Variants in MAP2K6 observed in about 807,000 individuals in gnomAD.
MAP2K6 encodes mitogen-activated protein kinase kinase 6, also known as dual specificity mitogen-activated protein kinase kinase 6.
MAP2K6 carries 16 observed loss-of-function variants against 53.7 expected under a neutral mutation model. The observed-to-expected ratio is 0.30, with a 90% CI of 0.20 to 0.45. MAP2K6 has a LOEUF of 0.45. Among genes scored for constraint, MAP2K6 ranks in the 20% least tolerant of loss-of-function variants. The pLI is 1.00. For synonymous variants in MAP2K6, 132 were observed against 143.1 expected (o/e 0.92, Z 0.55); for missense variants, 204 against 411.9 (o/e 0.50, Z 4.37).
chr17:69,475,224 G>A (rs1028303181), intron 1 of MAP2K6, among the ~76,000 whole-genome samples: 2 of 146,954 alleles, frequency 1.4e-5, no homozygotes, highest in East Asian at 2.0e-4. Context: ...GTTGGAGTGC[G>A]GTGGCGCGAT....
At chr17:69,540,919 G>A (rs1187524147) in intron 11 of MAP2K6, among the ~76,000 whole-genome samples, 1 of 152,160 alleles carries the variant, frequency 6.6e-6, no homozygotes, top group Non-Finnish European at 1.5e-5. Context: ...CACGTTTACT[G>A]TTCAACAAAA....
In MAP2K6 at chr17:69,553,669, C is replaced by T. The variant is rs963886124; in HGVS notation, c.*11916C>T. ...TCAATCTACAAACTGACTCAAACAA[C>T]AGTTTAACGATAGAGAAGACAGTGA... is the stretch of plus-strand genomic sequence containing the variant. On this transcript the variant is annotated 3_prime_UTR_variant, in exon 12 of 12. Transcript: ENST00000590474. 6 of 152,182 alleles carry T rather than the reference C, an allele frequency of 3.9e-5. No individual in the cohort carries two copies. The highest frequency in any genetic ancestry group is 7.3e-5 in the Non-Finnish European group (5 of 68,042). 9.4% of individuals were successfully genotyped at this position (152,182 alleles called of 1,614,324 possible). A position where few individuals can be genotyped will look rare whatever the true frequency, so the allele number is the denominator to read the frequency against.
chr17:69,456,104 G>T (rs924549045), intron 1 of MAP2K6, among the ~76,000 whole-genome samples: 2 of 152,008 alleles, frequency 1.3e-5, no homozygotes, highest in African/African-American at 4.8e-5. Context: ...CAGTAGATCC[G>T]CCCGCATCGG....
rs1236606761 is a variant in MAP2K6 at position 69,547,657 on chromosome 17, T to G, written c.*5904T>G. Reference sequence around the variant, plus strand: ...AAAGGATGAGGACTGTTTAGTCCCATGAAAGTTGCTTGTTAATGTCCTCAG... The same window carrying G: ...AAAGGATGAGGACTGTTTAGTCCCAGGAAAGTTGCTTGTTAATGTCCTCAG... On this transcript the variant is annotated 3_prime_UTR_variant, in exon 12 of 12. Transcript: ENST00000590474. The G allele has an allele frequency of 6.6e-6, 1 of 152,380 alleles. No homozygotes were observed. Among genetic ancestry groups the G allele is most frequent in the East Asian group, 1.9e-4 (1 of 5,190 alleles). 9.4% of individuals were successfully genotyped at this position (152,380 alleles called of 1,614,324 possible).
intron 1 of MAP2K6, among the ~76,000 whole-genome samples, chr17:69,487,735 T>C (rs1908600462): frequency 6.6e-6 from 1 of 152,232 alleles, no homozygotes; most frequent in Non-Finnish European, 1.5e-5. Flanking sequence ...CATATAACTT[T>C]GTTGGAGACT....
At position 69,454,828 on chromosome 17, in the gene MAP2K6, T is replaced by C. The variant is rs531504739; in HGVS notation, c.16+39828T>C. On this transcript the variant is annotated intron_variant, in intron 1 of 11. Transcript: ENST00000590474. Reference sequence around the variant, plus strand: ...ATATGTGGAAATTCATTTGAAGATATAGATATGGGTATAATAATATTTTGC... The same window carrying C: ...ATATGTGGAAATTCATTTGAAGATACAGATATGGGTATAATAATATTTTGC... Among the ~76,000 whole-genome samples, 92 of 152,324 alleles carry C rather than the reference T, an allele frequency of 6.0e-4. 3 individuals are homozygous for C. The South Asian group carries it at 0.018, about 29-fold the overall frequency.
At chr17:69,529,404 T>C (rs1183914320) in intron 10 of MAP2K6, among the ~76,000 whole-genome samples, 1 of 152,194 alleles carries the variant, frequency 6.6e-6, no homozygotes, top group Non-Finnish European at 1.5e-5. Flanking sequence ...CTTTCACCAG[T>C]GTATTTTTTC....
rs1016673369 is a variant in MAP2K6 at position 69,545,635 on chromosome 17, A to G, written c.*3882A>G. 6.6e-6 allele frequency: 1 copy of G among 152,166 alleles called. No individual in the cohort carries two copies. The highest frequency in any genetic ancestry group is 1.5e-5 in the Non-Finnish European group (1 of 68,040). 9.4% of individuals were successfully genotyped at this position (152,166 alleles called of 1,614,324 possible). A position where few individuals can be genotyped will look rare whatever the true frequency, so the allele number is the denominator to read the frequency against. ...GTGCCCCAGGTCAAAATATATACTT[A>G]ATAGTTCAGTGTTTTAAGTAATTAG... On this transcript the variant is annotated 3_prime_UTR_variant, in exon 12 of 12. Coordinates refer to ENST00000590474, the MANE Select transcript of MAP2K6 (RefSeq NM_002758.4).
chr17:69,473,413 T>C (rs1908044505), intron 1 of MAP2K6, among the ~76,000 whole-genome samples: 1 of 152,226 alleles, frequency 6.6e-6, no homozygotes, highest in Non-Finnish European at 1.5e-5. Context: ...CATATATAGT[T>C]ATAGGTTTGT....
At chr17:69,506,416 T>A (rs957337475) in intron 2 of MAP2K6, among the ~76,000 whole-genome samples, 1 of 152,038 alleles carries the variant, frequency 6.6e-6, no homozygotes, top group African/African-American at 2.4e-5. Context: ...TTGTTTTTTT[T>A]TTTTTTATTT....
intron 2 of MAP2K6, 104 bp from the exon 3 acceptor site, chr17:69,516,751 C>A: frequency 3.7e-6 from 3 of 809,264 alleles, no homozygotes; most frequent in Non-Finnish European, 4.1e-6. Flanking sequence ...CATGAACTTC[C>A]ACTTTCTTCT....
intron 1 of MAP2K6, among the ~76,000 whole-genome samples, chr17:69,492,883 C>T (rs1208940151): frequency 6.6e-6 from 1 of 152,192 alleles, no homozygotes; most frequent in East Asian, 1.9e-4. Context: ...TGGGAACCAT[C>T]CTCAGCCTAG....
intron 1 of MAP2K6, chr17:69,435,300 T>C (rs1041421564): frequency 2.0e-5 from 3 of 151,764 alleles, no homozygotes; most frequent in Admixed American, 2.0e-4. Context: ...ACTTTGGGAG[T>C]CTGAGGCAGG....
chr17:69,421,025 C>T (rs1364529698), intron 1 of MAP2K6, among the ~76,000 whole-genome samples: 1 of 152,172 alleles, frequency 6.6e-6, no homozygotes, highest in South Asian at 2.1e-4. Context: ...TGTTTGAAAG[C>T]CCTTGCTGGG....
Position 69,551,045 on chromosome 17 carries a change from T to C in MAP2K6, c.*9292T>C, listed in dbSNP as rs1555612913. On this transcript the variant is annotated 3_prime_UTR_variant, in exon 12 of 12. Coordinates refer to ENST00000590474, the MANE Select transcript of MAP2K6 (RefSeq NM_002758.4). ...ATTGTTGTATGACAGCCATGCATTA[T>C]AGATCCTTACATGCGACATTTTCCT... 6.6e-6 allele frequency: 1 copy of C among 152,204 alleles called. No homozygotes were observed. Among genetic ancestry groups the C allele is most frequent in the Non-Finnish European group, 1.5e-5 (1 of 68,032 alleles). 9.4% of individuals were successfully genotyped at this position (152,204 alleles called of 1,614,324 possible).
chr17:69,457,133 G>C (rs1425100320), intron 1 of MAP2K6, among the ~76,000 whole-genome samples: 2 of 152,176 alleles, frequency 1.3e-5, no homozygotes, highest in African/African-American at 4.8e-5. Context: ...ACCCCAGAGA[G>C]ACTTCAGCAT....
chr17:69,457,964 A>G (rs1907474876), intron 1 of MAP2K6, among the ~76,000 whole-genome samples: 1 of 152,192 alleles, frequency 6.6e-6, no homozygotes, highest in Non-Finnish European at 1.5e-5. Flanking sequence ...ATGGCCCATT[A>G]CTACCTATAA....
intron 10 of MAP2K6, among the ~76,000 whole-genome samples, chr17:69,531,309 GT>G (rs1427937746): frequency 6.6e-6 from 1 of 152,124 alleles, no homozygotes; most frequent in Non-Finnish European, 1.5e-5. Flanking sequence ...TTGTGAACTT[GT>G]GTATCCTACC....
Position 69,446,118 on chromosome 17 carries a change from C to A in MAP2K6, c.16+31118C>A, listed in dbSNP as rs1433157413. ...TTGGGTATGCAGCATGTTGTTTTAC[C>A]AGCTGCTACCTTAGCGTTATATTTA... On this transcript the variant is annotated intron_variant, in intron 1 of 11. Coordinates refer to ENST00000590474, the MANE Select transcript of MAP2K6 (RefSeq NM_002758.4). 2.0e-5 allele frequency among the ~76,000 whole-genome samples: 3 copies of A among 152,160 alleles called. No homozygotes were observed. In the East Asian group the frequency reaches 5.8e-4, roughly 29 times the overall value.
Sources: allele counts gnomAD v4.1 joint callset (sites outside exome capture counted in the v4.1 genomes callset), GRCh38; gene constraint gnomAD v4.1.1; transcripts MANE v1.5; gene names NCBI Gene and HGNC (gene_info 2026-07-23, HGNC 2026-07-21).